MRPL42: variants seen among roughly 807,000 people sequenced by gnomAD.
MRPL42 encodes mitochondrial ribosomal protein L42.
A neutral mutation model predicts 17.9 loss-of-function variants in MRPL42; 17 were observed. That is an observed-to-expected ratio of 0.95 (90% confidence interval 0.65 to 1.42). The LOEUF (loss-of-function observed/expected upper bound fraction) is 1.42, where lower values mean the gene tolerates loss of function less well. Among genes scored for constraint, MRPL42 ranks in the 40% most tolerant of loss-of-function variants. The probability of loss-of-function intolerance (pLI) is 0.00; values close to 1 mark genes in which losing one functional copy is unlikely to be tolerated. For missense variants in MRPL42, 177 were observed against 175.2 expected (o/e 1.01, Z -0.06); for synonymous variants, 59 against 54.4 (o/e 1.08, Z -0.37).
At chr12:93,500,446 CAA>C (rs1419154773) in intron 5 of MRPL42, among the ~76,000 whole-genome samples, 1 of 152,116 alleles carries the variant, frequency 6.6e-6, no homozygotes, top group Non-Finnish European at 1.5e-5. Context: ...ATCTCAAAAA[CAA>C]AAGGTTCCTC....
At position 93,515,166 on chromosome 12, in the gene MRPL42, T is replaced by G. The variant is rs925415450; in HGVS notation, c.*13945T>G. On this transcript the variant is annotated 3_prime_UTR_variant, in exon 6 of 6. Transcript: ENST00000549982. ...AAGATTTTTGGCAGGGGATGATGCA[T>G]TCAGAGCCTTCACTCTGGCTACAGG... The G allele has an allele frequency of 2.0e-5, 3 of 152,146 alleles. No individual in the cohort carries two copies. The highest frequency in any genetic ancestry group is 1.3e-4 in the Admixed American group (2 of 15,274). The allele number at this position is 152,146 out of a possible 1,614,324, so 9.4% of individuals were successfully genotyped here.
At chr12:93,500,569 CCATTTAGAGGACAATAGCCCCT>C (rs1953571139) in intron 5 of MRPL42, among the ~76,000 whole-genome samples, 1 of 152,154 alleles carries the variant, frequency 6.6e-6, no homozygotes. Flanking sequence ...ATAGAGACCT[CCATTTAGAGGACAATAGCCCCT>C]TGTAAATAAA....
chr12:93,496,461 A>G (rs1004495200), intron 5 of MRPL42, among the ~76,000 whole-genome samples: 1 of 152,144 alleles, frequency 6.6e-6, no homozygotes. Context: ...AACTATAATT[A>G]TATGCAGTTG....
At chr12:93,477,136 G>T in intron 3 of MRPL42, 119 bp downstream of exon 3, 2 of 739,818 alleles carry the variant, frequency 2.7e-6, no homozygotes, top group African/African-American at 1.9e-5. Flanking sequence ...CCTTAATTTT[G>T]TTTTTAAAAA....
intron 2 of MRPL42, among the ~76,000 whole-genome samples, chr12:93,472,658 T>C (rs1229142683): frequency 1.3e-5 from 2 of 152,196 alleles, no homozygotes; most frequent in Non-Finnish European, 2.9e-5. Flanking sequence ...ACAGTAAGAT[T>C]GGAGGCAAAG....
chr12:93,487,453 A>C (rs2121232968), intron 4 of MRPL42, 44 bp from the exon 5 acceptor site: 1 of 1,543,808 alleles, frequency 6.5e-7, no homozygotes, highest in East Asian at 2.3e-5. Flanking sequence ...ATGCTGGCTA[A>C]CATTCCCACA....
chr12:93,503,416 TGTC>T lies in MRPL42; in HGVS notation c.*2197_*2199del, dbSNP rs1250216164. On this transcript the variant is annotated 3_prime_UTR_variant, in exon 6 of 6. Transcript: ENST00000549982. The stretch of plus-strand genomic sequence containing the variant: ...TTTTTTTAAAGAAAAGGTCTTGCTG[TGTC>T]GCCCAGGATGGAGTGCAGTGGCACA... 3 of 151,972 alleles carry T rather than the reference TGTC, an allele frequency of 2.0e-5. No individual in the cohort carries two copies. The highest frequency in any genetic ancestry group is 7.3e-5 in the African/African-American group (3 of 41,358). The allele number at this position is 151,972 out of a possible 1,614,324, so 9.4% of individuals were successfully genotyped here.
At position 93,508,060 on chromosome 12, in the gene MRPL42, C is replaced by A. The variant is rs1188756364; in HGVS notation, c.*6839C>A. ...CTCTTGGGTTCAAGCGATTCTCCTGCCTCAGTCTCCTGAGTAGCTGAGATT... is the reference window on the plus strand; with the variant it reads ...CTCTTGGGTTCAAGCGATTCTCCTGACTCAGTCTCCTGAGTAGCTGAGATT... On this transcript the variant is annotated 3_prime_UTR_variant, in exon 6 of 6. Transcript: ENST00000549982. 6.6e-6 allele frequency: 1 copy of A among 152,602 alleles called. No individual in the cohort carries two copies. The highest frequency in any genetic ancestry group is 1.5e-5 in the Non-Finnish European group (1 of 68,234). The allele number at this position is 152,602 out of a possible 1,614,324, so 9.5% of individuals were successfully genotyped here.
intron 2 of MRPL42, among the ~76,000 whole-genome samples, chr12:93,472,932 A>G (rs1432133263): frequency 6.6e-6 from 1 of 152,166 alleles, no homozygotes; most frequent in African/African-American, 2.4e-5. Flanking sequence ...ATATTTGGTA[A>G]ACAAAAACTG....
chr12:93,469,312 G>C lies in MRPL42; in HGVS notation c.27G>C (p.Val9=). 1 of 1,611,638 alleles carries C rather than the reference G, an allele frequency of 6.2e-7. No individual in the cohort carries two copies. Among genetic ancestry groups the C allele is most frequent in the South Asian group, 1.1e-5 (1 of 90,218 alleles). The change falls in exon 2 of 6, where the codon GTG becomes GTC. Residue 9 remains valine (V), a synonymous_variant. Transcript: ENST00000549982. MAVAAVKW[V]MSKRTILKHL... is the part of the protein sequence containing the mutation. ...TGGCTGTAGCTGCAGTAAAATGGGT[G>C]ATGTCAAAGAGAACTATCTTGAAAC... is the stretch of plus-strand genomic sequence containing the variant.
At chr12:93,471,242 C>G (rs545844964) in intron 2 of MRPL42, among the ~76,000 whole-genome samples, 1 of 152,280 alleles carries the variant, frequency 6.6e-6, no homozygotes, top group East Asian at 1.9e-4. Context: ...TGGCACACTG[C>G]AACTTCTGCC....
chr12:93,491,255 T>A (rs1321630341), intron 5 of MRPL42, among the ~76,000 whole-genome samples: 2 of 152,206 alleles, frequency 1.3e-5, no homozygotes, highest in African/African-American at 4.8e-5. Flanking sequence ...AAAATAGAAG[T>A]GTTCTCTATT....
intron 2 of MRPL42, among the ~76,000 whole-genome samples, chr12:93,473,134 G>C (rs1040942128): frequency 2.6e-5 from 4 of 152,170 alleles, no homozygotes; most frequent in African/African-American, 9.7e-5. Context: ...ATTGTTAATT[G>C]AAATTCTTTT....
chr12:93,473,109 T>C (rs1483549814), intron 2 of MRPL42, among the ~76,000 whole-genome samples: 1 of 152,238 alleles, frequency 6.6e-6, no homozygotes, highest in South Asian at 2.1e-4. Flanking sequence ...GAATAACTCA[T>C]AAATTACAGA....
intron 5 of MRPL42, chr12:93,487,923 A>C (rs1290513611): frequency 6.3e-6 from 2 of 317,964 alleles, no homozygotes. Flanking sequence ...TAGCCTTCCG[A>C]GTAGCTAGTA....
chr12:93,470,035 G>T (rs993422453), intron 2 of MRPL42, among the ~76,000 whole-genome samples: 1 of 150,834 alleles, frequency 6.6e-6, no homozygotes, highest in Admixed American at 6.6e-5. Flanking sequence ...GTGCAGTGGC[G>T]TGATTACTTT....
intron 3 of MRPL42, 37 bp from the exon 4 acceptor site, chr12:93,479,351 C>T (rs761326270): frequency 5.2e-6 from 7 of 1,333,936 alleles, no homozygotes; most frequent in South Asian, 1.3e-5. Context: ...GCCTTGAATA[C>T]AGTATAACTT....
chr12:93,475,207 C>T (rs1039737866), intron 2 of MRPL42, among the ~76,000 whole-genome samples: 3 of 151,978 alleles, frequency 2.0e-5, no homozygotes, highest in East Asian at 1.9e-4. Context: ...TTCTGCCTCC[C>T]GGGTTCAAGT....
At chr12:93,475,237 C>A (rs564629068) in intron 2 of MRPL42, among the ~76,000 whole-genome samples, 2 of 152,056 alleles carry the variant, frequency 1.3e-5, no homozygotes, top group East Asian at 3.9e-4. Context: ...GTCTTAGCCT[C>A]CCGAGTAGCT....
Sources: gnomAD v4.1 joint callset for allele counts (sites outside exome capture counted in the v4.1 genomes callset) on GRCh38, gnomAD v4.1.1 for gene constraint, MANE v1.5 for transcripts, NCBI Gene and HGNC (gene_info 2026-07-23, HGNC 2026-07-21) for gene names.